The following CUBN variants were observed in gnomAD, a reference collection of about 807,000 sequenced individuals.
CUBN encodes the protein cubilin.
Under a neutral mutation model 405.3 loss-of-function variants are expected in CUBN, and 282 were observed. The ratio of observed to expected loss-of-function variants is 0.70; its 90% CI spans 0.63 to 0.77. The LOEUF is 0.77. CUBN is among the 30% of genes least tolerant of loss of function. The pLI is 0.00. For missense variants in CUBN, 4,514 were observed against 4,475.2 expected, an observed-to-expected ratio of 1.01 and a Z score of -0.25; for synonymous variants, 1,684 against 1,617.0, an observed-to-expected ratio of 1.04 and a Z score of -0.99.
chr10:17,127,895 C>T lies in CUBN; in HGVS notation c.282G>A (p.Glu94=), dbSNP rs751474289. Reference sequence around the variant, plus strand: ...GCAGACCAATTGCACTCCCTTTTAACTCTATAATATCTTCTTTGTTTTTCT... The same window carrying T: ...GCAGACCAATTGCACTCCCTTTTAATTCTATAATATCTTCTTTGTTTTTCT... ...QIQKNKEDII[E]LKGSAIGLPQ... The change falls in exon 3 of 67, where the codon GAG becomes GAA. Residue 94 remains glutamate (E), a synonymous_variant. Transcript: ENST00000377833. The T allele has an allele frequency of 1.9e-6, 3 of 1,610,698 alleles. No homozygotes were observed. Among genetic ancestry groups the T allele is most frequent in the Non-Finnish European group, 2.5e-6 (3 of 1,177,376 alleles).
rs35045969 is a variant in CUBN, at chr10:16,864,948, C to CTT, written c.9454+4686_9454+4687dup. 6.2e-4 allele frequency among the ~76,000 whole-genome samples: 31 copies of CTT among 50,054 alleles called. 2 individuals are homozygous for CTT. Among genetic ancestry groups the CTT allele is most frequent in the Non-Finnish European group, 8.4e-4 (25 of 29,676 alleles). The allele number at this position is 50,054 out of a possible 152,430, so 32.8% of individuals were successfully genotyped here. ...TACAGGCGTGAGCCACCATGCCCAG[C>CTT]TTTTTTTTTTTTTTTTTTTTTTTTT... On this transcript the variant is annotated intron_variant, in intron 59 of 66. Coordinates refer to ENST00000377833, the MANE Select transcript of CUBN (RefSeq NM_001081.4).
chr10:16,998,965 T>TGA (rs1833806952), intron 28 of CUBN, among the ~76,000 whole-genome samples: 3 of 152,240 alleles, frequency 2.0e-5, no homozygotes, highest in African/African-American at 7.2e-5. Context: ...CCATATTTTG[T>TGA]GATAATCCAT....
chr10:17,118,228 T>C (rs553499784), intron 6 of CUBN, among the ~76,000 whole-genome samples: 7 of 152,290 alleles, frequency 4.6e-5, no homozygotes, highest in African/African-American at 1.2e-4. Context: ...AAGTAAACCA[T>C]AGGATTCCTT....
At chr10:16,962,531 C>T (rs61841463) in intron 31 of CUBN, among the ~76,000 whole-genome samples, 24,494 of 152,058 alleles carry the variant, frequency 0.16, 2,108 homozygotes, top group Non-Finnish European at 0.19. Flanking sequence ...GTAATCTCCT[C>T]CCTGGCGTAT....
chr10:17,046,939 T>C (rs1271958185), intron 23 of CUBN, among the ~76,000 whole-genome samples: 1 of 152,176 alleles, frequency 6.6e-6, no homozygotes, highest in African/African-American at 2.4e-5. Context: ...AATGAAAGAA[T>C]AATGCCTTGT....
chr10:16,824,379 G>A lies in CUBN; in HGVS notation c.*596C>T, dbSNP rs890622035. The stretch of plus-strand genomic sequence containing the variant: ...TTATTATTAACTTTTAAAAATGTAT[G>A]TCACATATGCCATAATCATTTCCAA... On this transcript the variant is annotated 3_prime_UTR_variant, in exon 67 of 67. Coordinates refer to ENST00000377833, the MANE Select transcript of CUBN (RefSeq NM_001081.4). 6.5e-6 allele frequency: 1 copy of A among 154,630 alleles called. No individual in the cohort carries two copies. Among genetic ancestry groups the A allele is most frequent in the African/African-American group, 2.4e-5 (1 of 41,488 alleles). The allele number at this position is 154,630 out of a possible 1,614,324, so 9.6% of individuals were successfully genotyped here.
In CUBN at chr10:17,047,467, G is replaced by A; in HGVS notation, c.3276C>T (p.Asn1092=). 5.0e-6 allele frequency: 8 copies of A among 1,614,028 alleles called. No homozygotes were observed. The highest frequency in any genetic ancestry group is 6.8e-6 in the Non-Finnish European group (8 of 1,179,932). The change falls in exon 23 of 67, where the codon AAC becomes AAT. Residue 1092 remains asparagine (N), a synonymous_variant. Transcript: ENST00000377833. ...TTCCAATGGCTTCCTCCAAGGAGAAGTTTGTGAAGTGCACTGCAATCAGTT... is the reference window on the plus strand; with the variant it reads ...TTCCAATGGCTTCCTCCAAGGAGAAATTTGTGAAGTGCACTGCAATCAGTT... ...TGQLIAVHFT[N]FSLEEAIGNY...
At chr10:16,955,226 A>C (rs1843022208) in intron 31 of CUBN, among the ~76,000 whole-genome samples, 1 of 151,912 alleles carries the variant, frequency 6.6e-6, no homozygotes, top group Admixed American at 6.6e-5. Flanking sequence ...TACACAAATT[A>C]GCCAGGTGTG....
chr10:16,831,355 T>C lies in CUBN; in HGVS notation c.10425A>G (p.Pro3475=), dbSNP rs576696171. 108 of 1,614,098 alleles carry C rather than the reference T, an allele frequency of 6.7e-5. 2 individuals carry two copies. In the South Asian group the frequency reaches 1.1e-3, roughly 17 times the overall value. Residue 3475 remains proline (P), a synonymous_variant, in exon 65 of 67, where the codon CCA becomes CCG. Transcript: ENST00000377833. ...LLGKYCGTLL[P]NPVFSQNNEL... Reference sequence around the variant, plus strand: ...CATTATTTTGAGAGAAGACAGGGTTTGGCAGCAGAGTTCCACAGTACTTGC... The same window carrying C: ...CATTATTTTGAGAGAAGACAGGGTTCGGCAGCAGAGTTCCACAGTACTTGC...
In CUBN at chr10:17,085,965, A is replaced by AT. The variant is rs11284543; in HGVS notation, c.1948-207dup. Among the ~76,000 whole-genome samples the AT allele has an allele frequency of 0.023, 3,048 of 132,600 alleles. 66 individuals are homozygous for AT. The highest frequency in any genetic ancestry group is 0.086 in the East Asian group (398 of 4,614). 87.0% of individuals were successfully genotyped at this position (132,600 alleles called of 152,430 possible). A position where few individuals can be genotyped will look rare whatever the true frequency, so the allele number is the denominator to read the frequency against. On this transcript the variant is annotated intron_variant, in intron 15 of 66. Coordinates refer to ENST00000377833, the MANE Select transcript of CUBN (RefSeq NM_001081.4). ...ACCCCAATGCCTTCTCTCTGTCTGA[A>AT]TTTTTTTTTTTTTTTTTTTGAGATG...
At chr10:16,897,427 C>G (rs1222899837) in intron 54 of CUBN, among the ~76,000 whole-genome samples, 1 of 152,168 alleles carries the variant, frequency 6.6e-6, no homozygotes, top group Non-Finnish European at 1.5e-5. Context: ...GGGGCTCTCA[C>G]TGGTTCTTGC....
At chr10:16,874,861 G>A (rs924569615) in intron 57 of CUBN, among the ~76,000 whole-genome samples, 3 of 152,120 alleles carry the variant, frequency 2.0e-5, no homozygotes, top group Admixed American at 1.3e-4. Context: ...CAACAGTAAC[G>A]AAGTACGGAA....
At chr10:17,016,058 C>A (rs1834319420) in intron 28 of CUBN, among the ~76,000 whole-genome samples, 1 of 152,182 alleles carries the variant, frequency 6.6e-6, no homozygotes, top group African/African-American at 2.4e-5. Context: ...CTGGAGCCCT[C>A]TCCTGATATC....
intron 47 of CUBN, 54 bp downstream of exon 47, chr10:16,914,978 G>A: frequency 6.8e-7 from 1 of 1,462,664 alleles, no homozygotes; most frequent in Non-Finnish European, 9.6e-7. Context: ...GCCTAGCATA[G>A]TGTCTGTCCA....
intron 22 of CUBN, among the ~76,000 whole-genome samples, chr10:17,052,202 T>C (rs1835286076): frequency 6.6e-6 from 1 of 152,134 alleles, no homozygotes; most frequent in Non-Finnish European, 1.5e-5. Flanking sequence ...ACTACTTTTT[T>C]AAAAAACGAG....
chr10:17,122,901 G>C lies in CUBN; in HGVS notation c.490-3C>G. The C allele has an allele frequency of 2.5e-6, 4 of 1,609,194 alleles. No homozygotes were observed. Among genetic ancestry groups the C allele is most frequent in the Non-Finnish European group, 3.4e-6 (4 of 1,175,544 alleles). ...ACATCAGCTGAGCAGAGAGGACCCT[G>C]TGATCATATAAGGAACAAAGTCAGG... is the stretch of plus-strand genomic sequence containing the variant. On this transcript the variant is annotated splice_region_variant and splice_polypyrimidine_tract_variant and intron_variant, in intron 5 of 66. Transcript: ENST00000377833.
At chr10:17,123,877 T>C (rs531203447) in intron 4 of CUBN, among the ~76,000 whole-genome samples, 188 bp from the exon 5 acceptor site, 6 of 152,312 alleles carry the variant, frequency 3.9e-5, no homozygotes, top group African/African-American at 1.4e-4. Flanking sequence ...TTTTCTATTA[T>C]CAATCTTGTT....
chr10:16,960,471 G>A (rs1843185208), intron 31 of CUBN, among the ~76,000 whole-genome samples: 1 of 152,118 alleles, frequency 6.6e-6, no homozygotes, highest in South Asian at 2.1e-4. Context: ...CAGCCTGGGT[G>A]ACAGAATAAG....
intron 8 of CUBN, among the ~76,000 whole-genome samples, chr10:17,111,472 G>GA (rs906612080): frequency 6.6e-6 from 1 of 152,038 alleles, no homozygotes; most frequent in African/African-American, 2.4e-5. Flanking sequence ...GTTTAATAGG[G>GA]AAAAAACCCT....
Sources: allele counts gnomAD v4.1 joint callset (sites outside exome capture counted in the v4.1 genomes callset), GRCh38; gene constraint gnomAD v4.1.1; transcripts MANE v1.5; gene names NCBI Gene and HGNC (gene_info 2026-07-23, HGNC 2026-07-21).